ROR1: variants seen among roughly 807,000 people sequenced by gnomAD.
ROR1 encodes ROR family WNT receptor 1, also known as inactive tyrosine-protein kinase transmembrane receptor ROR1.
ROR1 carries 19 observed loss-of-function variants against 78.8 expected under a neutral mutation model. The ratio of observed to expected loss-of-function variants is 0.24; its 90% confidence interval spans 0.17 to 0.35. ROR1 has a LOEUF of 0.35. ROR1 is among the 10% of genes least tolerant of loss of function. The pLI, the probability that ROR1 is intolerant of heterozygous loss-of-function variation, is 1.00. For missense variants in ROR1, 917 were observed against 1,177.8 expected (o/e 0.78, Z 3.24); for synonymous variants, 386 against 433.6 (o/e 0.89, Z 1.36).
chr1:64,006,647 C>T (rs1646429979), intron 1 of ROR1, among the ~76,000 whole-genome samples: 1 of 152,164 alleles, frequency 6.6e-6, no homozygotes, highest in South Asian at 2.1e-4. Flanking sequence ...ATTAAGATCC[C>T]TGCCATACTG....
At chr1:64,154,408 A>G (rs1183725627) in intron 7 of ROR1, among the ~76,000 whole-genome samples, 1 of 152,184 alleles carries the variant, frequency 6.6e-6, no homozygotes, top group African/African-American at 2.4e-5. Flanking sequence ...TTATAATTTA[A>G]ACTTGTTTAA....
chr1:63,960,880 T>A (rs1646021912), intron 1 of ROR1, among the ~76,000 whole-genome samples: 1 of 152,072 alleles, frequency 6.6e-6, no homozygotes, highest in African/African-American at 2.4e-5. Flanking sequence ...AGTGTAGAAG[T>A]GGTATTAGAG....
rs199981693 is a variant in ROR1 at position 64,040,350 on chromosome 1, G to GT, written c.164-9339dup. ...TAAAAATCAAGTCATTTCCCTGATG[G>GT]TTAAGTTTGTTTCTGCTCATAAATT... is the stretch of plus-strand genomic sequence containing the variant. On this transcript the variant is annotated intron_variant, in intron 2 of 8. Coordinates refer to ENST00000371079, the MANE Select transcript of ROR1 (RefSeq NM_005012.4). Among the ~76,000 whole-genome samples the GT allele has an allele frequency of 3.8e-3, 582 of 152,208 alleles. 7 individuals carry two copies. The highest frequency in any genetic ancestry group is 0.013 in the African/African-American group (554 of 41,514).
intron 4 of ROR1, among the ~76,000 whole-genome samples, chr1:64,084,508 C>T (rs1412166496): frequency 6.6e-6 from 1 of 152,166 alleles, no homozygotes; most frequent in Non-Finnish European, 1.5e-5. Context: ...GTATGCAACT[C>T]TACAGTTAGA....
chr1:63,998,851 A>C (rs1210220766), intron 1 of ROR1, among the ~76,000 whole-genome samples: 1 of 152,198 alleles, frequency 6.6e-6, no homozygotes, highest in African/African-American at 2.4e-5. Flanking sequence ...TGAGGGACCC[A>C]GTGGGAGATA....
At chr1:63,942,550 A>G (rs1008814457) in intron 1 of ROR1, among the ~76,000 whole-genome samples, 3 of 152,122 alleles carry the variant, frequency 2.0e-5, no homozygotes, top group Admixed American at 2.0e-4. Context: ...TGTATGATGC[A>G]TGGCCTTAGG....
chr1:63,970,104 A>T (rs1421926859), intron 1 of ROR1, among the ~76,000 whole-genome samples: 3 of 151,958 alleles, frequency 2.0e-5, no homozygotes, highest in African/African-American at 7.3e-5. Flanking sequence ...TCCCTCATTT[A>T]TCTGAACCAC....
intron 4 of ROR1, among the ~76,000 whole-genome samples, chr1:64,072,004 G>T (rs1451552317): frequency 4.6e-5 from 7 of 152,100 alleles, no homozygotes; most frequent in African/African-American, 1.7e-4. Flanking sequence ...CCATGGTTTA[G>T]TTCTCCAAAC....
chr1:64,060,240 G>C (rs1037146608), intron 4 of ROR1, among the ~76,000 whole-genome samples: 1 of 152,118 alleles, frequency 6.6e-6, no homozygotes, highest in Non-Finnish European at 1.5e-5. Flanking sequence ...ATATATAGTA[G>C]CTAGCACTGT....
intron 4 of ROR1, among the ~76,000 whole-genome samples, chr1:64,096,164 T>C (rs543384917): frequency 6.6e-6 from 1 of 152,290 alleles, no homozygotes; most frequent in South Asian, 2.1e-4. Flanking sequence ...TCTGAAAATT[T>C]TGGCAAAATT....
chr1:64,032,394 G>A (rs1384742428), intron 2 of ROR1, among the ~76,000 whole-genome samples: 1 of 151,504 alleles, frequency 6.6e-6, no homozygotes, highest in Non-Finnish European at 1.5e-5. Flanking sequence ...GTTCCTGCAT[G>A]GAGATTGGGG....
At chr1:64,066,462 C>T (rs1323158358) in intron 4 of ROR1, among the ~76,000 whole-genome samples, 2 of 152,048 alleles carry the variant, frequency 1.3e-5, no homozygotes, top group Admixed American at 6.5e-5. Context: ...GGACTACAGG[C>T]GCCCACCACC....
rs563497065 is a variant in ROR1 at position 63,803,856 on chromosome 1, A to C, written c.91+29348A>C. On this transcript the variant is annotated intron_variant, in intron 1 of 8. Coordinates refer to ENST00000371079, the MANE Select transcript of ROR1 (RefSeq NM_005012.4). ...CTGTGCTACATCCATACCGTGGAAT[A>C]CTACTTCACAATAAAAATAAATGAA... Among the ~76,000 whole-genome samples the C allele has an allele frequency of 4.6e-5, 7 of 152,320 alleles. No individual in the cohort carries two copies. The East Asian group carries it at 1.4e-3, about 29-fold the overall frequency.
At chr1:63,789,337 C>T (rs1220354063) in intron 1 of ROR1, 2 of 435,682 alleles carry the variant, frequency 4.6e-6, no homozygotes, top group African/African-American at 2.0e-5. Flanking sequence ...GGTGAGTGAT[C>T]TAATATTGAC....
intron 1 of ROR1, among the ~76,000 whole-genome samples, chr1:63,782,528 A>T (rs1282926733): frequency 6.7e-6 from 1 of 150,108 alleles, no homozygotes; most frequent in Non-Finnish European, 1.5e-5. Flanking sequence ...TCCATTGTTA[A>T]GGCTGAGATT....
intron 1 of ROR1, among the ~76,000 whole-genome samples, chr1:63,844,877 A>G (rs1199972709): frequency 1.3e-5 from 2 of 152,216 alleles, no homozygotes; most frequent in Non-Finnish European, 2.9e-5. Flanking sequence ...TCAGAATACA[A>G]TGAATTCTCT....
Position 64,179,028 on chromosome 1 carries a change from A to T in ROR1, c.*173A>T. 6 of 433,358 alleles carry T rather than the reference A, an allele frequency of 1.4e-5. No individual in the cohort carries two copies. Among genetic ancestry groups the T allele is most frequent in the South Asian group, 6.7e-5 (2 of 29,702 alleles). 26.8% of individuals were successfully genotyped at this position (433,358 alleles called of 1,614,324 possible). A position where few individuals can be genotyped will look rare whatever the true frequency, so the allele number is the denominator to read the frequency against. ...AGCAGGACAGACACTCGGCCAGAAA[A>T]AAAAAAAAAAAAAAAAAACAAGCAA... On this transcript the variant is annotated 3_prime_UTR_variant, in exon 9 of 9. Coordinates refer to ENST00000371079, the MANE Select transcript of ROR1 (RefSeq NM_005012.4).
intron 1 of ROR1, among the ~76,000 whole-genome samples, chr1:63,919,653 T>G (rs1027914460): frequency 6.6e-6 from 1 of 152,216 alleles, no homozygotes; most frequent in Non-Finnish European, 1.5e-5. Context: ...GCCTTGCTAC[T>G]TCCTGTCTTT....
intron 1 of ROR1, among the ~76,000 whole-genome samples, chr1:63,937,688 G>A (rs923062767): frequency 1.3e-5 from 2 of 152,142 alleles, no homozygotes; most frequent in African/African-American, 4.8e-5. Context: ...AGAGCCTGAA[G>A]GTGCAGGTGG....
Sources: allele counts gnomAD v4.1 joint callset (sites outside exome capture counted in the v4.1 genomes callset), GRCh38; gene constraint gnomAD v4.1.1; transcripts MANE v1.5; gene names NCBI Gene and HGNC (gene_info 2026-07-23, HGNC 2026-07-21).